Variants in RIPK1 observed in about 807,000 individuals in gnomAD.
The protein encoded by RIPK1 is receptor-interacting serine/threonine-protein kinase 1.
A neutral mutation model predicts 62.4 loss-of-function variants in RIPK1; 27 were observed. That is an observed-to-expected ratio of 0.43 (90% CI 0.32 to 0.60). The LOEUF is 0.60. Among genes scored for constraint, RIPK1 ranks in the 20% least tolerant of loss-of-function variants. RIPK1 has a pLI of 0.07. For missense variants in RIPK1, 735 were observed against 831.0 expected (o/e 0.88, Z 1.42); for synonymous variants, 287 against 303.2 (o/e 0.95, Z 0.55).
Position 3,077,007 on chromosome 6 carries a change from G to T in RIPK1, c.164+20G>T. On this transcript the variant is annotated intron_variant, in intron 2 of 10. Transcript: ENST00000259808. ...CATTGAGTGAGTAGGGAGCAGGGGT[G>T]GGTGGGCTAAGTTCTGAGCGGGATG... 1 of 1,583,804 alleles carries T rather than the reference G, an allele frequency of 6.3e-7. No individual in the cohort carries two copies. The highest frequency in any genetic ancestry group is 1.1e-5 in the South Asian group (1 of 87,760).
At position 3,089,673 on chromosome 6, in the gene RIPK1, G is replaced by A; in HGVS notation, c.915+16G>A. 1 of 1,373,174 alleles carries A rather than the reference G, an allele frequency of 7.3e-7. No homozygotes were observed. Among genetic ancestry groups the A allele is most frequent in the Non-Finnish European group, 1.0e-6 (1 of 977,900 alleles). The allele number at this position is 1,373,174 out of a possible 1,614,324, so 85.1% of individuals were successfully genotyped here. On this transcript the variant is annotated intron_variant, in intron 7 of 10. Transcript: ENST00000259808. ...GAGTTTAAAGGTAGGCAATATAGCA[G>A]ATGCTCAAAATATTAACATAGCAAA...
At chr6:3,073,557 C>T (rs538414814) in intron 1 of RIPK1, among the ~76,000 whole-genome samples, 1 of 152,258 alleles carries the variant, frequency 6.6e-6, no homozygotes, top group South Asian at 2.1e-4. Context: ...GGCAGCCCCC[C>T]GCCTCCACCC....
At position 3,083,174 on chromosome 6, in the gene RIPK1, TAAG is replaced by T. The variant is rs752912142; in HGVS notation, c.555_557del (p.Lys185del). On this transcript the variant is annotated inframe_deletion, in exon 5 of 11. Transcript: ENST00000259808. Reference sequence around the variant, plus strand: ...AGCTGAGGGAAGTGGACGGCACCGCTAAGAAGAATGGCGGCACCCTCTACTACA... The same window carrying T: ...AGCTGAGGGAAGTGGACGGCACCGCTAAGAATGGCGGCACCCTCTACTACA... 3.7e-6 allele frequency: 6 copies of T among 1,613,900 alleles called. No homozygotes were observed. The highest frequency in any genetic ancestry group is 2.2e-5 in the East Asian group (1 of 44,890).
At chr6:3,112,775 G>C (rs1252394545) in intron 10 of RIPK1, among the ~76,000 whole-genome samples, 1 of 152,168 alleles carries the variant, frequency 6.6e-6, no homozygotes, top group Admixed American at 6.5e-5. Flanking sequence ...CCGGGTTCAA[G>C]TGATCCTCCT....
intron 1 of RIPK1, among the ~76,000 whole-genome samples, chr6:3,073,662 T>C (rs1040443601): frequency 1.3e-5 from 2 of 152,184 alleles, no homozygotes; most frequent in Non-Finnish European, 2.9e-5. Flanking sequence ...TAGGTGCTGC[T>C]GTATGAGCTT....
Position 3,078,188 on chromosome 6 carries a change from G to A in RIPK1, c.321+253G>A, listed in dbSNP as rs551381520. On this transcript the variant is annotated intron_variant, in intron 3 of 10. Transcript: ENST00000259808. ...GCTGGGATTACAGGCTGGATTTCCT[G>A]AAGTCAGTTTCTCCTTAAAACATCT... 3.0e-4 allele frequency among the ~76,000 whole-genome samples: 45 copies of A among 152,254 alleles called. No individual in the cohort carries two copies. In the Middle Eastern group the frequency reaches 0.014, roughly 46 times the overall value.
chr6:3,110,046 T>C (rs1192942807), intron 9 of RIPK1, among the ~76,000 whole-genome samples: 1 of 152,208 alleles, frequency 6.6e-6, no homozygotes, highest in Non-Finnish European at 1.5e-5. Flanking sequence ...GGTGCCTGGC[T>C]TACTTCCACC....
chr6:3,089,502 C>T (rs966467616), intron 6 of RIPK1, 79 bp from the exon 7 acceptor site: 3 of 759,256 alleles, frequency 4.0e-6, no homozygotes, highest in Non-Finnish European at 6.7e-6. Context: ...GTAAGTAATT[C>T]AAAGATAATA....
rs115266158 is a variant in RIPK1 at position 3,075,460 on chromosome 6, T to C, written c.-60-1304T>C. 7.4e-3 allele frequency among the ~76,000 whole-genome samples: 1,126 copies of C among 152,344 alleles called. 11 individuals are homozygous for C. The highest frequency in any genetic ancestry group is 0.026 in the African/African-American group (1,080 of 41,576). On this transcript the variant is annotated intron_variant, in intron 1 of 10. Coordinates refer to ENST00000259808, the MANE Select transcript of RIPK1 (RefSeq NM_001354930.2). ...TCACATTTTCTTCTTAGAGTTTGCA[T>C]TGTTCTTTTTATATTCTTCAGATTC... is the stretch of plus-strand genomic sequence containing the variant.
Position 3,106,016 on chromosome 6 carries a change from C to A in RIPK1, c.1541C>A (p.Thr514Lys), listed in dbSNP as rs372833650. ...CCTGAGACCAACTATCTAGGAAATACACCCACCATGCCATTCAGCTCCTTG... is the reference window on the plus strand; with the variant it reads ...CCTGAGACCAACTATCTAGGAAATAAACCCACCATGCCATTCAGCTCCTTG... ...PVPETNYLGN[T>K]PTMPFSSLPP... is the part of the protein sequence containing the mutation. Residue 514 changes from threonine (T) to lysine (K), a missense_variant, in exon 9 of 11, where the codon ACA becomes AAA. By Grantham distance (78) the Thr-to-Lys change is moderately conservative. Coordinates refer to ENST00000259808, the MANE Select transcript of RIPK1 (RefSeq NM_001354930.2). The A allele has an allele frequency of 5.6e-6, 9 of 1,611,882 alleles. No homozygotes were observed. The highest frequency in any genetic ancestry group is 6.8e-6 in the Non-Finnish European group (8 of 1,178,228).
chr6:3,109,256 C>T (rs771602883), intron 9 of RIPK1, among the ~76,000 whole-genome samples: 2 of 152,020 alleles, frequency 1.3e-5, no homozygotes, highest in African/African-American at 2.4e-5. Context: ...AGTGCAGGCT[C>T]ATGGAAGGAG....
At chr6:3,089,479 C>T (rs183985363) in intron 6 of RIPK1, 102 bp from the exon 7 acceptor site, 2 of 674,198 alleles carry the variant, frequency 3.0e-6, no homozygotes, top group Admixed American at 5.5e-5. Context: ...TTAAGCTTTG[C>T]CCACAGATTG....
chr6:3,083,965 A>T (rs1348878687), intron 5 of RIPK1, among the ~76,000 whole-genome samples: 1 of 152,120 alleles, frequency 6.6e-6, no homozygotes, highest in East Asian at 1.9e-4. Flanking sequence ...TATGCTTGGG[A>T]AGTGGCATCG....
At chr6:3,109,540 A>G (rs916934652) in intron 9 of RIPK1, among the ~76,000 whole-genome samples, 19 of 152,228 alleles carry the variant, frequency 1.2e-4, no homozygotes, top group Non-Finnish European at 2.5e-4. Context: ...GATGCTGTTC[A>G]GAGTCGTGGG....
At chr6:3,106,757 A>G (rs1183451330) in intron 9 of RIPK1, among the ~76,000 whole-genome samples, 1 of 152,238 alleles carries the variant, frequency 6.6e-6, no homozygotes, top group Non-Finnish European at 1.5e-5. Flanking sequence ...CTATGCAAAC[A>G]TCCTCGATTT....
chr6:3,069,345 C>T (rs1300552832), intron 1 of RIPK1, among the ~76,000 whole-genome samples: 1 of 152,158 alleles, frequency 6.6e-6, no homozygotes, highest in Admixed American at 6.5e-5. Context: ...CCCTAGCAGG[C>T]TTCTGTCACT....
Position 3,070,009 on chromosome 6 carries a change from C to CA in RIPK1, c.-61+1359dup, listed in dbSNP as rs1017339642. On this transcript the variant is annotated intron_variant, in intron 1 of 10. Coordinates refer to ENST00000259808, the MANE Select transcript of RIPK1 (RefSeq NM_001354930.2). ...TGGGCGACAGAGGGAGACTCTGTAT[C>CA]AAAAAAAAAAATAAATAAAGAAATG... Among the ~76,000 whole-genome samples, 243 of 146,126 alleles carry CA rather than the reference C, an allele frequency of 1.7e-3. 1 individual carries two copies. Among genetic ancestry groups the CA allele is most frequent in the Middle Eastern group, 0.011 (3 of 284 alleles).
chr6:3,073,084 G>A (rs868234100), intron 1 of RIPK1, among the ~76,000 whole-genome samples: 11 of 151,842 alleles, frequency 7.2e-5, no homozygotes, highest in Non-Finnish European at 1.3e-4. Context: ...GGCAACAAAC[G>A]TGTTTTCACA....
chr6:3,100,828 A>C (rs1275161466), intron 7 of RIPK1, among the ~76,000 whole-genome samples: 1 of 152,056 alleles, frequency 6.6e-6, no homozygotes, highest in Admixed American at 6.6e-5. Flanking sequence ...CCTGACCTCA[A>C]GCGATCTGCT....
Sources: gnomAD v4.1 joint callset for allele counts (sites outside exome capture counted in the v4.1 genomes callset) on GRCh38, gnomAD v4.1.1 for gene constraint, MANE v1.5 for transcripts, NCBI Gene and HGNC (gene_info 2026-07-23, HGNC 2026-07-21) for gene names.